Variants in AQP4 observed in about 807,000 individuals in gnomAD.
AQP4 encodes the protein aquaporin-4.
A neutral mutation model predicts 27.8 loss-of-function variants in AQP4; 18 were observed. The observed-to-expected ratio is 0.65, with a 90% confidence interval of 0.45 to 0.96. The LOEUF is 0.96. Among genes scored for constraint, AQP4 ranks in the 40% least tolerant of loss-of-function variants. AQP4 has a pLI of 0.00. For missense variants in AQP4, 412 were observed against 408.2 expected (o/e 1.01, Z -0.08); for synonymous variants, 141 against 142.9 (o/e 0.99, Z 0.10).
chr18:26,863,745 T>G (rs897968394), intron 1 of AQP4, among the ~76,000 whole-genome samples: 1 of 152,208 alleles, frequency 6.6e-6, no homozygotes, highest in Non-Finnish European at 1.5e-5. Flanking sequence ...GAAGGCTCTA[T>G]GGAAAACGGC....
chr18:26,865,581 A>G (rs2055044926), intron 1 of AQP4, 77 bp downstream of exon 1: 2 of 1,598,324 alleles, frequency 1.3e-6, no homozygotes, highest in Non-Finnish European at 1.7e-6. Context: ...CTAAGAAGGC[A>G]CAAACATCTA....
In AQP4 at chr18:26,856,071, A is replaced by G. The variant is rs536637029; in HGVS notation, c.*140T>C. 6.9e-6 allele frequency: 7 copies of G among 1,010,866 alleles called. No homozygotes were observed. The African/African-American group carries it at 1.1e-4, about 16-fold the overall frequency. 62.6% of individuals were successfully genotyped at this position (1,010,866 alleles called of 1,614,324 possible). On this transcript the variant is annotated 3_prime_UTR_variant, in exon 5 of 5. Transcript: ENST00000383168. ...CTCCTTTGTAAATTATGAAATATTT[A>G]TTGTTTAGACTGAGTAATATGACAT...
At position 26,852,739 on chromosome 18, in the gene AQP4, T is replaced by C. The variant is rs1291350810; in HGVS notation, c.*3472A>G. 1 of 398,060 alleles carries C rather than the reference T, an allele frequency of 2.5e-6. No individual in the cohort carries two copies. The allele number at this position is 398,060 out of a possible 1,614,324, so 24.7% of individuals were successfully genotyped here. A position where few individuals can be genotyped will look rare whatever the true frequency, so the allele number is the denominator to read the frequency against. On this transcript the variant is annotated 3_prime_UTR_variant, in exon 5 of 5. Coordinates refer to ENST00000383168, the MANE Select transcript of AQP4 (RefSeq NM_001650.7). ...ACTAATTTTCATGTTAAAAACACTT[T>C]AGGAAAGACAGAATTACTTTTAGGT...
At chr18:26,862,796 A>G in intron 1 of AQP4, 200 bp from the exon 2 acceptor site, 1 of 668,422 alleles carries the variant, frequency 1.5e-6, no homozygotes, top group Non-Finnish European at 2.5e-6. Context: ...TTCATTTAAT[A>G]TTCAAAGATC....
At position 26,862,285 on chromosome 18, in the gene AQP4, G is replaced by C; in HGVS notation, c.344C>G (p.Ser115Cys). 2 of 1,614,216 alleles carry C rather than the reference G, an allele frequency of 1.2e-6. No homozygotes were observed. The highest frequency in any genetic ancestry group is 1.7e-6 in the Non-Finnish European group (2 of 1,180,040). The change falls in exon 2 of 5, where the codon TCT becomes TGT. Residue 115 changes from serine to cysteine, a missense_variant. Physicochemically the swap from Ser to Cys is moderately radical, Grantham distance 112. Coordinates refer to ENST00000383168, the MANE Select transcript of AQP4 (RefSeq NM_001650.7). Reference sequence around the variant, plus strand: ...GCACTGGGCTGCGATGTAGAAGACAGACTTGGCGATGCTGATCTTCCTGGT... The same window carrying C: ...GCACTGGGCTGCGATGTAGAAGACACACTTGGCGATGCTGATCTTCCTGGT... ...VCTRKISIAK[S>C]VFYIAAQCLG... is the part of the protein sequence containing the mutation.
chr18:26,855,461 TTGCCTC>T lies in AQP4; in HGVS notation c.*744_*749del, dbSNP rs1260659682. Reference sequence around the variant, plus strand: ...TTGTGATTTTTGTATGATGATAACTTTGCCTCTGCCTCTACAAGATTTTACGAGTCT... The same window carrying T: ...TTGTGATTTTTGTATGATGATAACTTTGCCTCTACAAGATTTTACGAGTCT... On this transcript the variant is annotated 3_prime_UTR_variant, in exon 5 of 5. Transcript: ENST00000383168. 1 of 152,342 alleles carries T rather than the reference TTGCCTC, an allele frequency of 6.6e-6. No individual in the cohort carries two copies. The highest frequency in any genetic ancestry group is 1.5e-5 in the Non-Finnish European group (1 of 68,142). The allele number at this position is 152,342 out of a possible 1,614,324, so 9.4% of individuals were successfully genotyped here.
rs1568064621 is a variant in AQP4, at chr18:26,856,032, G to T, written c.*179C>A. On this transcript the variant is annotated 3_prime_UTR_variant, in exon 5 of 5. Coordinates refer to ENST00000383168, the MANE Select transcript of AQP4 (RefSeq NM_001650.7). ...TTTTTTAGATTTGGAATTCACAATAGGTTTCTTCCGTTCCTCCTTTGTAAA... is the reference window on the plus strand; with the variant it reads ...TTTTTTAGATTTGGAATTCACAATATGTTTCTTCCGTTCCTCCTTTGTAAA... The T allele has an allele frequency of 1.3e-6, 1 of 758,512 alleles. No individual in the cohort carries two copies. The highest frequency in any genetic ancestry group is 2.7e-5 in the East Asian group (1 of 37,392). 47.0% of individuals were successfully genotyped at this position (758,512 alleles called of 1,614,324 possible). A position where few individuals can be genotyped will look rare whatever the true frequency, so the allele number is the denominator to read the frequency against.
intron 4 of AQP4, among the ~76,000 whole-genome samples, chr18:26,859,057 G>T (rs978385346): frequency 6.6e-6 from 1 of 152,174 alleles, no homozygotes; most frequent in African/African-American, 2.4e-5. Flanking sequence ...TAATCAACAA[G>T]CTAAGAATGT....
At chr18:26,861,406 T>A in intron 2 of AQP4, 111 bp from the exon 3 acceptor site, 1 of 1,044,454 alleles carries the variant, frequency 9.6e-7, no homozygotes, top group Non-Finnish European at 1.4e-6. Context: ...TAAAGGTAAG[T>A]CTTCTACCCC....
intron 1 of AQP4, chr18:26,862,853 A>C: frequency 1.8e-6 from 1 of 563,258 alleles, no homozygotes; most frequent in Non-Finnish European, 3.1e-6. Flanking sequence ...GAAAGGAAAA[A>C]TGTCTAAATC....
chr18:26,861,880 G>A (rs987544676), intron 2 of AQP4: 7 of 444,578 alleles, frequency 1.6e-5, no homozygotes, highest in Middle Eastern at 1.3e-3. Flanking sequence ...TAAGGAAAAT[G>A]CATTAAGCTA....
chr18:26,862,761 C>G (rs939956127), intron 1 of AQP4, 165 bp from the exon 2 acceptor site: 2 of 824,988 alleles, frequency 2.4e-6, no homozygotes, highest in Non-Finnish European at 3.9e-6. Context: ...CATGAATAGT[C>G]AAGAGACTGT....
chr18:26,856,987 C>T (rs958448544), intron 4 of AQP4, among the ~76,000 whole-genome samples: 5 of 152,178 alleles, frequency 3.3e-5, no homozygotes, highest in Non-Finnish European at 5.9e-5. Context: ...CACCACTTAG[C>T]AGAGTTATGA....
rs771316211 is a variant in AQP4, at chr18:26,862,419, C to T, written c.210G>A (p.Met70Ile). The part of the protein sequence containing the change: ...GGTEKPLPVD[M>I]VLISLCFGLS... ...GTCCAAAGCAAAGGGAGATGAGAAC[C>T]ATGTCGACCGGTAAAGGCTTTTCTG... Residue 70 changes from methionine (M) to isoleucine (I), a missense_variant, in exon 2 of 5, where the codon ATG becomes ATA. By Grantham distance (10) the Met-to-Ile change is conservative. Coordinates refer to ENST00000383168, the MANE Select transcript of AQP4 (RefSeq NM_001650.7). 2.4e-5 allele frequency: 38 copies of T among 1,614,226 alleles called. No homozygotes were observed. Among genetic ancestry groups the T allele is most frequent in the Middle Eastern group, 1.6e-4 (1 of 6,062 alleles).
intron 1 of AQP4, 139 bp downstream of exon 1, chr18:26,865,519 T>G (rs2055043586): frequency 9.6e-7 from 1 of 1,043,860 alleles, no homozygotes; most frequent in Non-Finnish European, 1.5e-6. Flanking sequence ...TGCCCAGTAC[T>G]CAGATCTAAA....
At chr18:26,862,989 G>T in intron 1 of AQP4, 2 of 126,106 alleles carry the variant, frequency 1.6e-5, no homozygotes, top group Non-Finnish European at 1.7e-5. Context: ...TTAAAACAAG[G>T]TGTGCGTGGG....
Position 26,862,334 on chromosome 18 carries a change from C to T in AQP4, c.295G>A (p.Ala99Thr), listed in dbSNP as rs949486328. Residue 99 changes from alanine to threonine, a missense_variant, in exon 2 of 5, where the codon GCA (alanine) becomes ACA (threonine). Coordinates refer to ENST00000383168, the MANE Select transcript of AQP4 (RefSeq NM_001650.7). Reference protein sequence around the residue: ...GHISGGHINPAVTVAMVCTRK... With the variant: ...GHISGGHINPTVTVAMVCTRK... ...GTGCACACCATGGCCACAGTCACTG[C>T]AGGGTTGATGTGGCCACCGCTGATA... 6.2e-7 allele frequency: 1 copy of T among 1,614,202 alleles called. No homozygotes were observed. Among genetic ancestry groups the T allele is most frequent in the South Asian group, 1.1e-5 (1 of 91,080 alleles).
At chr18:26,860,382 A>G (rs912642632) in intron 4 of AQP4, among the ~76,000 whole-genome samples, 3 of 152,006 alleles carry the variant, frequency 2.0e-5, no homozygotes, top group Admixed American at 6.6e-5. Flanking sequence ...ATTTTTTTCC[A>G]TTATAGCTGG....
At chr18:26,857,562 G>A (rs796166634) in intron 4 of AQP4, among the ~76,000 whole-genome samples, 7 of 152,124 alleles carry the variant, frequency 4.6e-5, no homozygotes, top group African/African-American at 1.4e-4. Flanking sequence ...TCCTGACCTC[G>A]TGATCCACCT....
Sources: gnomAD v4.1 joint callset for allele counts (sites outside exome capture counted in the v4.1 genomes callset) on GRCh38, gnomAD v4.1.1 for gene constraint, MANE v1.5 for transcripts, NCBI Gene and HGNC (gene_info 2026-07-23, HGNC 2026-07-21) for gene names.